LTBP1: variants seen among roughly 807,000 people sequenced by gnomAD.
LTBP1 encodes latent-transforming growth factor beta-binding protein 1.
A neutral mutation model predicts 207.6 loss-of-function variants in LTBP1; 129 were observed. The observed-to-expected ratio is 0.62, with a 90% confidence interval of 0.54 to 0.72. LTBP1 has a LOEUF of 0.72. Ranked by LOEUF, LTBP1 falls within the 30% of genes least tolerant of loss-of-function variation. The pLI, the probability that LTBP1 is intolerant of heterozygous loss-of-function variation, is 0.00. For synonymous variants in LTBP1, 963 were observed against 833.7 expected (o/e 1.16, Z -2.67); for missense variants, 2,281 against 2,217.2 (o/e 1.03, Z -0.58).
In LTBP1 at chr2:32,947,670, G is replaced by C; in HGVS notation, c.346G>C (p.Gly116Arg). ...GCCTGCGCGTCCCGCGGTCCCCGGCGGGCAGCTCCACCCCAATCCCGGCGG... is the reference window on the plus strand; with the variant it reads ...GCCTGCGCGTCCCGCGGTCCCCGGCCGGCAGCTCCACCCCAATCCCGGCGG... ...PEPARPAVPG[G>R]QLHPNPGGHP... Residue 116 changes from glycine to arginine, a missense_variant, in exon 1 of 34, where the codon GGG (glycine) becomes CGG (arginine). Around this residue, in one of 3 missense-constraint regions of LTBP1, gnomAD observed 555 missense variants for 491.0 expected, o/e 1.13. Transcript: ENST00000404816. The C allele has an allele frequency of 6.9e-7, 1 of 1,451,666 alleles. No individual in the cohort carries two copies. Among genetic ancestry groups the C allele is most frequent in the Non-Finnish European group, 9.1e-7 (1 of 1,097,102 alleles). 89.9% of individuals were successfully genotyped at this position (1,451,666 alleles called of 1,614,324 possible). A position where few individuals can be genotyped will look rare whatever the true frequency, so the allele number is the denominator to read the frequency against.
At chr2:33,369,861 C>T (rs1344865514) in intron 31 of LTBP1, among the ~76,000 whole-genome samples, 1 of 152,192 alleles carries the variant, frequency 6.6e-6, no homozygotes, top group African/African-American at 2.4e-5. Flanking sequence ...AGTTGGCATT[C>T]CCTTCATTGG....
chr2:33,033,228 T>C (rs1283881424), intron 3 of LTBP1, among the ~76,000 whole-genome samples: 2 of 151,700 alleles, frequency 1.3e-5, no homozygotes, highest in Non-Finnish European at 2.9e-5. Context: ...GTTTTTTTTT[T>C]CATTTTTAGT....
intron 26 of LTBP1, among the ~76,000 whole-genome samples, chr2:33,350,832 G>A (rs2094771495): frequency 6.6e-6 from 1 of 152,148 alleles, no homozygotes; most frequent in Non-Finnish European, 1.5e-5. Context: ...TCTAAGGGAA[G>A]CAGTAAATAT....
At chr2:33,392,354 T>C (rs1453567403) in intron 32 of LTBP1, among the ~76,000 whole-genome samples, 2 of 152,082 alleles carry the variant, frequency 1.3e-5, no homozygotes, top group South Asian at 2.1e-4. Context: ...GCCCGACTAA[T>C]TTTTGCATTT....
intron 9 of LTBP1, among the ~76,000 whole-genome samples, chr2:33,230,754 G>A (rs1471578122): frequency 6.6e-6 from 1 of 152,110 alleles, no homozygotes. Flanking sequence ...ATAGAATTTG[G>A]TTCTGAAAGT....
intron 5 of LTBP1, among the ~76,000 whole-genome samples, chr2:33,178,989 C>T (rs1469008315): frequency 6.6e-6 from 1 of 152,198 alleles, no homozygotes; most frequent in East Asian, 1.9e-4. Flanking sequence ...GATCCTCCCA[C>T]CTTGGCCTCC....
At chr2:33,016,097 G>C (rs940860664) in intron 2 of LTBP1, among the ~76,000 whole-genome samples, 6 of 152,120 alleles carry the variant, frequency 3.9e-5, no homozygotes, top group Admixed American at 1.3e-4. Flanking sequence ...ACAGAAGGGT[G>C]GGAGAAGGGT....
At chr2:33,060,316 A>G (rs1426372611) in intron 3 of LTBP1, among the ~76,000 whole-genome samples, 1 of 152,086 alleles carries the variant, frequency 6.6e-6, no homozygotes, top group African/African-American at 2.4e-5. Flanking sequence ...ATTTCCCCCT[A>G]TTTTTAAAAA....
At chr2:33,218,183 T>C (rs2090854706) in intron 8 of LTBP1, among the ~76,000 whole-genome samples, 2 of 152,216 alleles carry the variant, frequency 1.3e-5, no homozygotes, top group South Asian at 2.1e-4. Flanking sequence ...CACAATTCTT[T>C]CCCATTTTTT....
chr2:32,958,919 G>T (rs1391715530), intron 2 of LTBP1, among the ~76,000 whole-genome samples: 1 of 152,152 alleles, frequency 6.6e-6, no homozygotes, highest in African/African-American at 2.4e-5. Context: ...GCCAATTTTA[G>T]AATCTTTCTG....
intron 19 of LTBP1, among the ~76,000 whole-genome samples, chr2:33,283,831 C>T (rs748197040): frequency 3.3e-5 from 5 of 152,202 alleles, no homozygotes; most frequent in Non-Finnish European, 5.9e-5. Context: ...GTCTATCTCA[C>T]AGGGCTGCCG....
intron 24 of LTBP1, among the ~76,000 whole-genome samples, chr2:33,341,729 A>AAATATAT (rs745445793): frequency 1.2e-3 from 111 of 93,628 alleles, no homozygotes; most frequent in African/African-American, 4.9e-3. Flanking sequence ...AAAAAAAAAA[A>AAATATAT]ATATATATAT....
intron 3 of LTBP1, among the ~76,000 whole-genome samples, chr2:33,082,103 C>T (rs1365369155): frequency 8.5e-5 from 13 of 152,140 alleles, no homozygotes; most frequent in Non-Finnish European, 1.9e-4. Flanking sequence ...GTGATTAGGC[C>T]GTGAGGGTTT....
chr2:33,302,603 G>C (rs1350579750), intron 22 of LTBP1, among the ~76,000 whole-genome samples: 1 of 152,180 alleles, frequency 6.6e-6, no homozygotes, highest in Non-Finnish European at 1.5e-5. Context: ...TCCTCCTGCT[G>C]CTGGGAGTGT....
intron 4 of LTBP1, among the ~76,000 whole-genome samples, chr2:33,126,506 A>C (rs563024760): frequency 6.6e-6 from 1 of 152,196 alleles, no homozygotes; most frequent in Non-Finnish European, 1.5e-5. Flanking sequence ...CAGAAGGGGC[A>C]CTCTTTTGAT....
intron 3 of LTBP1, among the ~76,000 whole-genome samples, chr2:33,068,774 A>G (rs1023705091): frequency 6.6e-6 from 1 of 152,202 alleles, no homozygotes; most frequent in Admixed American, 6.5e-5. Context: ...AAATAATTAT[A>G]CTTTGTTATT....
chr2:33,026,310 C>T lies in LTBP1; in HGVS notation c.863+5104C>T, dbSNP rs867510635. On this transcript the variant is annotated intron_variant, in intron 3 of 33. Coordinates refer to ENST00000404816, the MANE Select transcript of LTBP1 (RefSeq NM_206943.4). ...GGTTTCTCTTGTGTGCTTTCCTGTA[C>T]TTAACATTGTCATGACACAACACAG... Among the ~76,000 whole-genome samples, 5 of 152,216 alleles carry T rather than the reference C, an allele frequency of 3.3e-5. No homozygotes were observed. The Middle Eastern group carries it at 0.014, about 414-fold the overall frequency.
At chr2:33,103,532 A>G (rs1282531029) in intron 3 of LTBP1, among the ~76,000 whole-genome samples, 1 of 151,014 alleles carries the variant, frequency 6.6e-6, no homozygotes, top group Admixed American at 6.6e-5. Flanking sequence ...TTTTGGTCTG[A>G]TAGGTAATTC....
rs79695786 is a variant in LTBP1 at position 33,089,679 on chromosome 2, C to G, written c.864-20903C>G. Reference sequence around the variant, plus strand: ...CTCATGTTGAATCAGATATTACTAACTAAAGTCTATTAATATGTAGCACAT... The same window carrying G: ...CTCATGTTGAATCAGATATTACTAAGTAAAGTCTATTAATATGTAGCACAT... On this transcript the variant is annotated intron_variant, in intron 3 of 33. Transcript: ENST00000404816. 3.4e-3 allele frequency among the ~76,000 whole-genome samples: 519 copies of G among 152,306 alleles called. 3 individuals carry two copies. The highest frequency in any genetic ancestry group is 0.011 in the African/African-American group (473 of 41,554).
Sources: gnomAD v4.1 joint callset for allele counts (sites outside exome capture counted in the v4.1 genomes callset) on GRCh38, gnomAD v4.1.1 for gene constraint, gnomAD v4.1.1 regional missense constraint, MANE v1.5 for transcripts, NCBI Gene and HGNC (gene_info 2026-07-23, HGNC 2026-07-21) for gene names.